Variants in ACTR3C observed in about 807,000 individuals in gnomAD.
ACTR3C encodes the protein actin-related protein 3C.
A neutral mutation model predicts 26.3 loss-of-function variants in ACTR3C; 18 were observed. The observed-to-expected ratio is 0.68, with a 90% CI of 0.47 to 1.01. The LOEUF is 1.01. Ranked by LOEUF, ACTR3C falls within the 50% of genes least tolerant of loss-of-function variation. The pLI is 0.00. For synonymous variants in ACTR3C, 55 were observed against 94.5 expected (o/e 0.58, Z 2.42); for missense variants, 184 against 250.7 (o/e 0.73, Z 1.80).
At chr7:149,900,496 A>C in the ACTR3C span, among the ~76,000 whole-genome samples, 1 of 152,072 alleles carries the variant, frequency 6.6e-6, no homozygotes, top group Non-Finnish European at 1.5e-5. Context: ...AATTAAGAAT[A>C]AATAAATAAA....
chr7:150,144,736 T>G, the ACTR3C span, among the ~76,000 whole-genome samples: 1 of 152,156 alleles, frequency 6.6e-6, no homozygotes, highest in Non-Finnish European at 1.5e-5. The surrounding 1 kb of genome is among the most constrained non-coding windows in gnomAD (Gnocchi z 4.6). Context: ...CTCTATATTC[T>G]AACTGAAACT....
At chr7:150,268,354 C>T (rs1433762196) in intron 6 of ACTR3C, among the ~76,000 whole-genome samples, 1 of 145,290 alleles carries the variant, frequency 6.9e-6, no homozygotes, top group Non-Finnish European at 1.5e-5. Context: ...GCTTTGTGTT[C>T]AGAAATTCTC....
the ACTR3C span, among the ~76,000 whole-genome samples, chr7:150,035,888 GA>G: frequency 3.8e-3 from 525 of 136,676 alleles, 48 homozygotes; most frequent in African/African-American, 0.013. Context: ...CGGAAGAGGG[GA>G]TAGCTCTCAG....
At chr7:149,916,889 A>G in the ACTR3C span, among the ~76,000 whole-genome samples, 2 of 152,162 alleles carry the variant, frequency 1.3e-5, no homozygotes, top group Non-Finnish European at 2.9e-5. Flanking sequence ...ATAAAGCACT[A>G]CCAATAGTTA....
At chr7:150,233,976 T>C in the ACTR3C span, among the ~76,000 whole-genome samples, 1 of 152,210 alleles carries the variant, frequency 6.6e-6, no homozygotes, top group South Asian at 2.1e-4. Flanking sequence ...TTATTATTAA[T>C]CTGGCTGAGA....
intron 4 of ACTR3C, 82 bp from the exon 5 acceptor site, chr7:150,286,622 T>C (rs1192645697): frequency 1.9e-6 from 3 of 1,569,598 alleles, no homozygotes; most frequent in African/African-American, 2.7e-5. Flanking sequence ...AGGAAGCCCA[T>C]GCAGTAAACA....
chr7:150,199,739 A>C, the ACTR3C span, among the ~76,000 whole-genome samples: 20 of 139,574 alleles, frequency 1.4e-4, no homozygotes, highest in Admixed American at 1.2e-3. Context: ...AAAAAAAAAA[A>C]AAAAAAAACA....
chr7:150,284,172 G>A (rs9655600), intron 6 of ACTR3C, among the ~76,000 whole-genome samples: 10,613 of 152,114 alleles, frequency 0.07, 562 homozygotes, highest in South Asian at 0.16. Flanking sequence ...ACTTTCCATC[G>A]ATATTTGTGG....
At chr7:149,993,063 C>T in the ACTR3C span, among the ~76,000 whole-genome samples, 36 of 151,038 alleles carry the variant, frequency 2.4e-4, no homozygotes, top group East Asian at 3.9e-4. Context: ...GAAGAACCAG[C>T]GAGTAAGCTT....
the ACTR3C span, among the ~76,000 whole-genome samples, chr7:150,135,308 A>G: frequency 3.9e-4 from 59 of 152,154 alleles, no homozygotes; most frequent in Middle Eastern, 3.4e-3. Context: ...AAAAAGAATT[A>G]GTGCATGGAG....
chr7:150,017,045 G>C, the ACTR3C span, among the ~76,000 whole-genome samples: 1 of 151,994 alleles, frequency 6.6e-6, no homozygotes, highest in African/African-American at 2.4e-5. Flanking sequence ...AGGAACCTGG[G>C]AGCAGGATTA....
the ACTR3C span, among the ~76,000 whole-genome samples, chr7:149,979,754 G>A: frequency 6.6e-6 from 1 of 151,232 alleles, no homozygotes; most frequent in South Asian, 2.1e-4. Flanking sequence ...TCAAGTTTCT[G>A]ATAGTCTAAG....
At chr7:150,037,864 TG>T in the ACTR3C span, among the ~76,000 whole-genome samples, 18 of 90,336 alleles carry the variant, frequency 2.0e-4, no homozygotes, top group East Asian at 4.7e-3. Context: ...CCCCCAGCGA[TG>T]GGGGTCCTAA....
At chr7:149,923,933 G>A in the ACTR3C span, among the ~76,000 whole-genome samples, 5 of 151,982 alleles carry the variant, frequency 3.3e-5, no homozygotes, top group African/African-American at 1.2e-4. Context: ...GGAGGTGGAG[G>A]TTGCAGTGAG....
At chr7:150,124,067 C>T in the ACTR3C span, among the ~76,000 whole-genome samples, 2 of 152,150 alleles carry the variant, frequency 1.3e-5, no homozygotes, top group Non-Finnish European at 2.9e-5. Flanking sequence ...TGATGAATTA[C>T]ACTCCCTCCT....
At chr7:149,999,289 C>T in the ACTR3C span, among the ~76,000 whole-genome samples, 6 of 150,748 alleles carry the variant, frequency 4.0e-5, no homozygotes, top group African/African-American at 9.7e-5. Flanking sequence ...CAGAGGAATT[C>T]GATCATCTGT....
At chr7:150,227,029 T>C in the ACTR3C span, among the ~76,000 whole-genome samples, 2 of 146,664 alleles carry the variant, frequency 1.4e-5, no homozygotes, top group Non-Finnish European at 2.9e-5. Flanking sequence ...TGTATATTTA[T>C]GGGTTAAAAT....
At chr7:149,979,109 G>C in the ACTR3C span, among the ~76,000 whole-genome samples, 1 of 152,178 alleles carries the variant, frequency 6.6e-6, no homozygotes, top group East Asian at 1.9e-4. Context: ...CACACCACTG[G>C]GCACATCAGA....
the ACTR3C span, among the ~76,000 whole-genome samples, chr7:150,150,697 T>C: frequency 1.4e-4 from 19 of 139,290 alleles, 5 homozygotes. Flanking sequence ...TTACTCTTAT[T>C]TCAATCATTT....
Sources: allele counts gnomAD v4.1 joint callset (sites outside exome capture counted in the v4.1 genomes callset), GRCh38; gene constraint gnomAD v4.1.1; non-coding constraint Gnocchi (gnomAD v3.1); transcripts MANE v1.5; gene names NCBI Gene and HGNC (gene_info 2026-07-23, HGNC 2026-07-21).